CHCHD6: variants seen among roughly 807,000 people sequenced by gnomAD.
The protein encoded by CHCHD6 is coiled-coil-helix-coiled-coil-helix domain containing 6.
In CHCHD6, 28 loss-of-function variants were observed where a neutral mutation model predicts 32.3. That is an observed-to-expected ratio of 0.87 (90% confidence interval 0.64 to 1.19). The LOEUF is 1.19. CHCHD6 is among the 50% of genes most tolerant of loss of function. The pLI is 0.00. For synonymous variants in CHCHD6, 122 were observed against 117.5 expected (o/e 1.04, Z -0.25); for missense variants, 333 against 307.0 (o/e 1.08, Z -0.63).
intron 4 of CHCHD6, among the ~76,000 whole-genome samples, chr3:126,736,536 T>G (rs78430237): frequency 0.024 from 3,618 of 152,350 alleles, 109 homozygotes; most frequent in East Asian, 0.15. Context: ...TTTCCAATAT[T>G]GATTTTAAAA....
intron 6 of CHCHD6, among the ~76,000 whole-genome samples, chr3:126,947,337 C>T (rs989966451): frequency 1.3e-5 from 2 of 152,244 alleles, no homozygotes; most frequent in African/African-American, 2.4e-5. Flanking sequence ...GGGAGCTTCC[C>T]GGCTGCCCAA....
chr3:126,809,208 A>G (rs1939549977), intron 4 of CHCHD6, among the ~76,000 whole-genome samples: 1 of 152,162 alleles, frequency 6.6e-6, no homozygotes, highest in South Asian at 2.1e-4. Flanking sequence ...TCCTGGCATC[A>G]AGTGATCCGC....
intron 5 of CHCHD6, among the ~76,000 whole-genome samples, chr3:126,855,830 T>G (rs1235536182): frequency 6.6e-6 from 1 of 152,094 alleles, no homozygotes; most frequent in Non-Finnish European, 1.5e-5. Context: ...AGCCGGCAAA[T>G]GAGACATCGG....
At chr3:126,952,027 T>C (rs958087176) in intron 6 of CHCHD6, among the ~76,000 whole-genome samples, 1 of 152,238 alleles carries the variant, frequency 6.6e-6, no homozygotes, top group African/African-American at 2.4e-5. Context: ...TGGGATTAAA[T>C]GAGGTAATGC....
At chr3:126,864,511 C>G (rs933380486) in intron 5 of CHCHD6, among the ~76,000 whole-genome samples, 2 of 151,142 alleles carry the variant, frequency 1.3e-5, no homozygotes, top group African/African-American at 4.9e-5. Flanking sequence ...CCATCACCTC[C>G]TCTTCCACCT....
intron 4 of CHCHD6, among the ~76,000 whole-genome samples, chr3:126,804,506 A>C (rs567309720): frequency 6.6e-6 from 1 of 152,354 alleles, no homozygotes; most frequent in Non-Finnish European, 1.5e-5. Context: ...TCCCAAGACT[A>C]AACCAGGAAG....
chr3:126,781,284 GACATAC>G, intron 4 of CHCHD6, among the ~76,000 whole-genome samples: 1 of 152,184 alleles, frequency 6.6e-6, no homozygotes, highest in South Asian at 2.1e-4. Flanking sequence ...GGCCAAGACA[GACATAC>G]ACGCACAGAG....
At chr3:126,735,012 G>A (rs984538575) in intron 4 of CHCHD6, among the ~76,000 whole-genome samples, 9 of 152,154 alleles carry the variant, frequency 5.9e-5, no homozygotes, top group Admixed American at 3.3e-4. Flanking sequence ...GTGAGAAACC[G>A]GGGCCAGGGC....
rs193206562 is a variant in CHCHD6 at position 126,894,447 on chromosome 3, G to A, written c.496-20233G>A. On this transcript the variant is annotated intron_variant, in intron 5 of 7. Transcript: ENST00000290913. Reference sequence around the variant, plus strand: ...AGACATTAAACATAGGGAGAAAGGGGCAGGGAATGCAGGATGCTATTGTGC... The same window carrying A: ...AGACATTAAACATAGGGAGAAAGGGACAGGGAATGCAGGATGCTATTGTGC... Among the ~76,000 whole-genome samples, 8 of 152,358 alleles carry A rather than the reference G, an allele frequency of 5.3e-5. No homozygotes were observed. In the East Asian group the frequency reaches 7.7e-4, roughly 15 times the overall value.
intron 6 of CHCHD6, among the ~76,000 whole-genome samples, chr3:126,943,958 C>G (rs1235365574): frequency 6.6e-6 from 1 of 152,118 alleles, no homozygotes; most frequent in African/African-American, 2.4e-5. Context: ...GACCATAGAC[C>G]TAAATGTAAA....
rs566939154 is a variant in CHCHD6 at position 126,945,585 on chromosome 3, G to A, written c.567-11831G>A. Among the ~76,000 whole-genome samples, 3 of 141,910 alleles carry A rather than the reference G, an allele frequency of 2.1e-5. No homozygotes were observed. In the East Asian group the frequency reaches 6.7e-4, roughly 32 times the overall value. The allele number at this position is 141,910 out of a possible 152,430, so 93.1% of individuals were successfully genotyped here. On this transcript the variant is annotated intron_variant, in intron 6 of 7. Transcript: ENST00000290913. ...AGTGTAGGGGAGACTCGGTGTGGCG[G>A]AGACTTGATGGGGGAGACTCGGTGT...
chr3:126,743,863 G>A (rs772737946), intron 4 of CHCHD6, among the ~76,000 whole-genome samples: 8 of 152,218 alleles, frequency 5.3e-5, no homozygotes, highest in Admixed American at 2.6e-4. Flanking sequence ...GAGGTCTTAC[G>A]TGGTCATATG....
chr3:126,737,608 G>C (rs1345330724), intron 4 of CHCHD6, among the ~76,000 whole-genome samples: 1 of 151,972 alleles, frequency 6.6e-6, no homozygotes, highest in Non-Finnish European at 1.5e-5. Context: ...GAAGACACTC[G>C]AGGAGCAAGG....
At chr3:126,743,778 G>C (rs930641) in intron 4 of CHCHD6, among the ~76,000 whole-genome samples, 148,385 of 152,282 alleles carry the variant, frequency 0.97, 72,320 homozygotes, top group Middle Eastern at 1. Context: ...AGGTGACACC[G>C]TCCCTGACTT....
At chr3:126,862,284 C>G in intron 5 of CHCHD6, among the ~76,000 whole-genome samples, 1 of 138,130 alleles carries the variant, frequency 7.2e-6, no homozygotes. Context: ...CCTCTACCAT[C>G]ACCACCTCCT....
At chr3:126,737,776 T>G (rs750755775) in intron 4 of CHCHD6, among the ~76,000 whole-genome samples, 12 of 151,680 alleles carry the variant, frequency 7.9e-5, no homozygotes, top group African/African-American at 1.5e-4. Flanking sequence ...AGGCCACGCA[T>G]TTGGGGAGGA....
intron 6 of CHCHD6, among the ~76,000 whole-genome samples, chr3:126,932,710 C>T (rs71327778): frequency 6.6e-6 from 1 of 152,236 alleles, no homozygotes; most frequent in Non-Finnish European, 1.5e-5. Flanking sequence ...CACATGCCTT[C>T]CTGCTGCCTT....
intron 5 of CHCHD6, among the ~76,000 whole-genome samples, chr3:126,864,636 C>G (rs1044734810): frequency 1.3e-5 from 2 of 150,944 alleles, no homozygotes; most frequent in African/African-American, 2.4e-5. Flanking sequence ...TCCTCCACCA[C>G]CATTACCTTT....
chr3:126,732,221 C>T (rs560251545), intron 3 of CHCHD6, among the ~76,000 whole-genome samples: 5 of 151,920 alleles, frequency 3.3e-5, no homozygotes, highest in Admixed American at 6.6e-5. Flanking sequence ...AAAAAATCAC[C>T]CATAGACTCA....
Sources: allele counts gnomAD v4.1 joint callset (sites outside exome capture counted in the v4.1 genomes callset), GRCh38; gene constraint gnomAD v4.1.1; transcripts MANE v1.5; gene names NCBI Gene and HGNC (gene_info 2026-07-23, HGNC 2026-07-21).